Variants in CCSER1 observed in about 807,000 individuals in gnomAD.
The protein encoded by CCSER1 is serine-rich coiled-coil domain-containing protein 1.
Under a neutral mutation model 82.0 loss-of-function variants are expected in CCSER1, and 41 were observed. The observed-to-expected ratio is 0.50, with a 90% CI of 0.39 to 0.65. The LOEUF is 0.65. CCSER1 is among the 30% of genes least tolerant of loss of function. CCSER1 has a pLI of 0.00. For missense variants in CCSER1, 1,119 were observed against 1,064.2 expected (o/e 1.05, Z -0.72); for synonymous variants, 414 against 383.9 (o/e 1.08, Z -0.92).
intron 4 of CCSER1, among the ~76,000 whole-genome samples, chr4:90,432,448 T>C (rs1758409628): frequency 6.6e-6 from 1 of 152,198 alleles, no homozygotes. Flanking sequence ...CATTGTAATG[T>C]TTTTTCTTTT....
At chr4:91,155,957 A>T (rs924723228) in intron 10 of CCSER1, among the ~76,000 whole-genome samples, 1 of 151,824 alleles carries the variant, frequency 6.6e-6, no homozygotes, top group Non-Finnish European at 1.5e-5. Flanking sequence ...TTTTAATATA[A>T]TTTACATTAT....
At chr4:90,943,085 G>A (rs1227944247) in intron 9 of CCSER1, among the ~76,000 whole-genome samples, 2 of 151,830 alleles carry the variant, frequency 1.3e-5, no homozygotes, top group African/African-American at 2.4e-5. Context: ...GAGAGTGAAT[G>A]AACCTCATGC....
At chr4:91,472,646 C>G (rs1417492853) in intron 10 of CCSER1, among the ~76,000 whole-genome samples, 4 of 152,158 alleles carry the variant, frequency 2.6e-5, no homozygotes, top group Non-Finnish European at 5.9e-5. Context: ...ATATTTGTTA[C>G]TAGTACCAAG....
At chr4:90,618,139 T>C (rs1216616851) in intron 5 of CCSER1, among the ~76,000 whole-genome samples, 1 of 152,038 alleles carries the variant, frequency 6.6e-6, no homozygotes, top group African/African-American at 2.4e-5. Context: ...CTTTCTCAAA[T>C]TGATAAAGTT....
chr4:91,325,944 C>T (rs1528577), intron 10 of CCSER1, among the ~76,000 whole-genome samples: 116,482 of 151,908 alleles, frequency 0.77, 45,122 homozygotes, highest in East Asian at 0.88. Flanking sequence ...AATGAACGTC[C>T]ATCTTCAAAA....
intron 4 of CCSER1, among the ~76,000 whole-genome samples, chr4:90,420,008 G>A (rs923580879): frequency 6.6e-6 from 1 of 151,902 alleles, no homozygotes; most frequent in Admixed American, 6.6e-5. Flanking sequence ...ATAGCTGTGC[G>A]AAAGGCTTTC....
At chr4:90,699,920 C>A (rs62314428) in intron 6 of CCSER1, among the ~76,000 whole-genome samples, 12,628 of 151,836 alleles carry the variant, frequency 0.083, 565 homozygotes, top group Admixed American at 0.12. Flanking sequence ...CAGGCACCGT[C>A]TATGAGCCAG....
intron 9 of CCSER1, among the ~76,000 whole-genome samples, chr4:90,975,908 C>A (rs1405069507): frequency 6.6e-6 from 1 of 150,968 alleles, no homozygotes; most frequent in African/African-American, 2.4e-5. Context: ...ATTCCCAAAG[C>A]TCTAGAATGT....
intron 10 of CCSER1, among the ~76,000 whole-genome samples, chr4:91,217,979 G>A (rs1381167092): frequency 6.6e-6 from 1 of 152,242 alleles, no homozygotes; most frequent in Non-Finnish European, 1.5e-5. Flanking sequence ...GCATTCCTCA[G>A]CCCTTGGGTG....
At chr4:91,249,654 GT>G (rs1180153088) in intron 10 of CCSER1, among the ~76,000 whole-genome samples, 2 of 151,976 alleles carry the variant, frequency 1.3e-5, no homozygotes, top group Non-Finnish European at 2.9e-5. Flanking sequence ...TTAAAAATCA[GT>G]TTTCATCTTT....
chr4:90,484,791 G>T (rs1018678314), intron 5 of CCSER1, among the ~76,000 whole-genome samples: 1 of 152,170 alleles, frequency 6.6e-6, no homozygotes, highest in Non-Finnish European at 1.5e-5. Flanking sequence ...CCCCTACTGG[G>T]GGGTTCCTCC....
chr4:90,982,822 T>C (rs936174356), intron 9 of CCSER1, among the ~76,000 whole-genome samples: 2 of 151,736 alleles, frequency 1.3e-5, no homozygotes, highest in Non-Finnish European at 2.9e-5. Flanking sequence ...CTAATAAGAC[T>C]TCTATAATAG....
chr4:91,468,860 A>G (rs918670728), intron 10 of CCSER1, among the ~76,000 whole-genome samples: 2 of 152,112 alleles, frequency 1.3e-5, no homozygotes, highest in Non-Finnish European at 2.9e-5. Flanking sequence ...GATGTAAGCC[A>G]TTGACTCATG....
intron 5 of CCSER1, among the ~76,000 whole-genome samples, chr4:90,512,096 T>C (rs1255479186): frequency 1.3e-5 from 2 of 152,128 alleles, no homozygotes; most frequent in Admixed American, 6.5e-5. Flanking sequence ...TTTCCGTAGA[T>C]ATGTGGTCAC....
intron 1 of CCSER1, among the ~76,000 whole-genome samples, chr4:90,205,995 A>G (rs926062993): frequency 1.8e-4 from 27 of 152,036 alleles, no homozygotes; most frequent in African/African-American, 6.5e-4. Context: ...AGGGGTGTTT[A>G]TAGTATTCTC....
intron 10 of CCSER1, among the ~76,000 whole-genome samples, chr4:91,406,823 C>T (rs1752733676): frequency 6.6e-6 from 1 of 152,126 alleles, no homozygotes; most frequent in South Asian, 2.1e-4. Flanking sequence ...AGGCACTAGA[C>T]AGAATAAGTT....
intron 8 of CCSER1, among the ~76,000 whole-genome samples, chr4:90,848,143 T>C (rs1395839671): frequency 6.6e-6 from 1 of 152,206 alleles, no homozygotes; most frequent in Non-Finnish European, 1.5e-5. Flanking sequence ...TTGCTAAATG[T>C]AAACACTATG....
intron 8 of CCSER1, among the ~76,000 whole-genome samples, chr4:90,904,527 G>A (rs1318982748): frequency 1.3e-5 from 2 of 152,054 alleles, no homozygotes; most frequent in East Asian, 3.9e-4. Context: ...TTGGAAAGAG[G>A]ATCTGTTCCC....
intron 8 of CCSER1, among the ~76,000 whole-genome samples, chr4:90,853,783 A>G (rs1055033727): frequency 1.3e-5 from 2 of 152,162 alleles, no homozygotes; most frequent in African/African-American, 2.4e-5. Context: ...ATAAACAGCA[A>G]TCTCCATAGT....
Sources: gnomAD v4.1 joint callset for allele counts (sites outside exome capture counted in the v4.1 genomes callset) on GRCh38, gnomAD v4.1.1 for gene constraint, MANE v1.5 for transcripts, NCBI Gene and HGNC (gene_info 2026-07-23, HGNC 2026-07-21) for gene names.